PACRG: variants seen among roughly 807,000 people sequenced by gnomAD.
PACRG encodes parkin coregulated gene protein.
PACRG carries 29 observed loss-of-function variants against 29.7 expected under a neutral mutation model. The observed-to-expected ratio is 0.98, with a 90% CI of 0.73 to 1.33. The LOEUF is 1.33. PACRG is among the 40% of genes most tolerant of loss of function. The pLI, the probability that PACRG is intolerant of heterozygous loss-of-function variation, is 0.00. For missense variants in PACRG, 279 were observed against 316.2 expected, an observed-to-expected ratio of 0.88 and a Z score of 0.89; for synonymous variants, 116 against 118.7, an observed-to-expected ratio of 0.98 and a Z score of 0.15.
Position 162,777,363 on chromosome 6 carries a change from C to A in PACRG, c.157-36784C>A, listed in dbSNP as rs201418645. 2.8e-4 allele frequency among the ~76,000 whole-genome samples: 42 copies of A among 152,320 alleles called. No homozygotes were observed. The East Asian group carries it at 4.6e-3, about 17-fold the overall frequency. On this transcript the variant is annotated intron_variant, in intron 1 of 4. Coordinates refer to ENST00000366888, the MANE Select transcript of PACRG (RefSeq NM_001080379.2). The surrounding 1 kb of genome is among the most constrained non-coding windows in gnomAD (Gnocchi z 4.0). ...TTGGCTGATGTAGGCCATGTGGGCA[C>A]ACACTCAGCTTATTGATAACATCCC... is the stretch of plus-strand genomic sequence containing the variant.
At chr6:162,814,504 T>G (rs1787160269) in intron 2 of PACRG, among the ~76,000 whole-genome samples, 1 of 152,192 alleles carries the variant, frequency 6.6e-6, no homozygotes, top group Non-Finnish European at 1.5e-5. Context: ...TGCTTTGCCT[T>G]AGAGAGTTGT....
chr6:162,743,861 A>T (rs916055637), intron 1 of PACRG, among the ~76,000 whole-genome samples: 1 of 152,110 alleles, frequency 6.6e-6, no homozygotes, highest in East Asian at 1.9e-4. Flanking sequence ...TCATCCACCA[A>T]ATGGCTTATT....
intron 4 of PACRG, among the ~76,000 whole-genome samples, chr6:163,214,693 T>G (rs1250976673): frequency 6.6e-6 from 1 of 152,136 alleles, no homozygotes; most frequent in African/African-American, 2.4e-5. Flanking sequence ...TAGGTATATT[T>G]TGTAATCTTT....
chr6:162,915,634 G>T (rs1796646234), intron 2 of PACRG, among the ~76,000 whole-genome samples: 1 of 151,822 alleles, frequency 6.6e-6, no homozygotes, highest in Admixed American at 6.6e-5. Context: ...TGCCTTTTTA[G>T]GATTATTTGA....
intron 2 of PACRG, among the ~76,000 whole-genome samples, chr6:162,836,482 C>T (rs942246452): frequency 5.9e-5 from 9 of 152,082 alleles, no homozygotes; most frequent in South Asian, 4.1e-4. Flanking sequence ...CTTCCATGAT[C>T]GCTCAAGCTG....
chr6:162,907,208 A>G (rs953160819), intron 2 of PACRG, among the ~76,000 whole-genome samples: 1 of 152,130 alleles, frequency 6.6e-6, no homozygotes, highest in Non-Finnish European at 1.5e-5. Context: ...TTGTTTATGG[A>G]AATTTTGCCC....
chr6:162,749,772 G>A (rs899796173), intron 1 of PACRG, among the ~76,000 whole-genome samples: 4 of 152,008 alleles, frequency 2.6e-5, no homozygotes, highest in East Asian at 1.9e-4. Flanking sequence ...TGCCCGCCTC[G>A]GCCTCCCAAA....
At chr6:163,072,044 A>G (rs1440761583) in intron 3 of PACRG, among the ~76,000 whole-genome samples, 1 of 151,772 alleles carries the variant, frequency 6.6e-6, no homozygotes, top group Non-Finnish European at 1.5e-5. Context: ...CTATTCCCAA[A>G]AAAAAAATAA....
At chr6:163,143,418 T>A (rs1478975748) in intron 4 of PACRG, among the ~76,000 whole-genome samples, 1 of 152,134 alleles carries the variant, frequency 6.6e-6, no homozygotes, top group Non-Finnish European at 1.5e-5. Context: ...TGAAACAATA[T>A]GTATGCGATG....
At chr6:163,274,737 T>C (rs1175297517) in intron 4 of PACRG, among the ~76,000 whole-genome samples, 1 of 152,244 alleles carries the variant, frequency 6.6e-6, no homozygotes, top group Non-Finnish European at 1.5e-5. Flanking sequence ...TTGTTTTCTA[T>C]TCGTTCTATA....
intron 2 of PACRG, among the ~76,000 whole-genome samples, chr6:162,835,018 C>T (rs1345470963): frequency 1.3e-5 from 2 of 151,994 alleles, no homozygotes; most frequent in African/African-American, 4.8e-5. Flanking sequence ...TCTACTTGGC[C>T]TCATTGAGCC....
At chr6:162,833,978 A>G (rs578183681) in intron 2 of PACRG, among the ~76,000 whole-genome samples, 2 of 152,110 alleles carry the variant, frequency 1.3e-5, no homozygotes, top group African/African-American at 2.4e-5. Flanking sequence ...TTCATCTTGC[A>G]AGACTGAAAC....
chr6:163,262,664 T>C (rs1783372766), intron 4 of PACRG, among the ~76,000 whole-genome samples: 1 of 152,144 alleles, frequency 6.6e-6, no homozygotes, highest in Non-Finnish European at 1.5e-5. Flanking sequence ...CACTACAGAC[T>C]TGCCCCATAG....
intron 2 of PACRG, among the ~76,000 whole-genome samples, chr6:162,841,117 G>A (rs1230161146): frequency 1.4e-5 from 2 of 144,028 alleles, no homozygotes; most frequent in Admixed American, 7.0e-5. Flanking sequence ...CATAAAATGA[G>A]TTAGGGAGGA....
intron 4 of PACRG, among the ~76,000 whole-genome samples, chr6:163,171,840 C>T (rs528924860): frequency 2.6e-5 from 4 of 152,292 alleles, no homozygotes; most frequent in African/African-American, 9.6e-5. Context: ...GGTAGCACTG[C>T]CTGTGGGGAC....
At chr6:162,764,976 C>T (rs1298800751) in intron 1 of PACRG, among the ~76,000 whole-genome samples, 2 of 152,012 alleles carry the variant, frequency 1.3e-5, no homozygotes, top group Non-Finnish European at 2.9e-5. Context: ...GAACCCCTGA[C>T]CTCGTGATCT....
intron 4 of PACRG, among the ~76,000 whole-genome samples, chr6:163,281,398 G>C (rs1222578404): frequency 6.6e-6 from 1 of 152,176 alleles, no homozygotes; most frequent in Non-Finnish European, 1.5e-5. Context: ...GGATGGAAGT[G>C]GGGTGGCAGC....
chr6:163,062,191 G>GT lies in PACRG; in HGVS notation c.339dup (p.Asp114Ter). The stretch of plus-strand genomic sequence containing the variant: ...TGGATTACCATCATTATCTGCCTCT[G>GT]TTTTTTGATGGGCTTTGTGAAATGA... On this transcript the variant is annotated frameshift_variant, in exon 3 of 5. Transcript: ENST00000366888. LOFTEE classifies it high-confidence loss of function. 6.2e-7 allele frequency: 1 copy of GT among 1,614,086 alleles called. No individual in the cohort carries two copies. Among genetic ancestry groups the GT allele is most frequent in the Non-Finnish European group, 8.5e-7 (1 of 1,180,028 alleles).
intron 4 of PACRG, chr6:163,165,904 A>G (rs762576248): frequency 8.3e-6 from 3 of 360,006 alleles, no homozygotes; most frequent in Non-Finnish European, 1.6e-5. Context: ...GCTTCATTGC[A>G]TCTAAGGCAC....
Sources: allele counts gnomAD v4.1 joint callset (sites outside exome capture counted in the v4.1 genomes callset), GRCh38; gene constraint gnomAD v4.1.1; non-coding constraint Gnocchi (gnomAD v3.1); transcripts MANE v1.5; gene names NCBI Gene and HGNC (gene_info 2026-07-23, HGNC 2026-07-21).